Variants in GLI2 observed in about 807,000 individuals in gnomAD.
GLI2 encodes GLI family zinc finger 2.
Under a neutral mutation model 78.9 loss-of-function variants are expected in GLI2, and 22 were observed. The ratio of observed to expected loss-of-function variants is 0.28; its 90% CI spans 0.20 to 0.40. GLI2 has a LOEUF of 0.40. Among genes scored for constraint, GLI2 ranks in the 10% least tolerant of loss-of-function variants. GLI2 has a pLI of 1.00. For synonymous variants in GLI2, 974 were observed against 963.7 expected (o/e 1.01, Z -0.20); for missense variants, 2,097 against 2,213.2 (o/e 0.95, Z 1.05).
intron 2 of GLI2, among the ~76,000 whole-genome samples, chr2:120,846,204 G>T (rs1687108283): frequency 6.6e-6 from 1 of 152,210 alleles, no homozygotes; most frequent in Non-Finnish European, 1.5e-5. Context: ...CCCAATTGGG[G>T]TCATTTTCCT....
chr2:120,914,596 C>T (rs182347940), intron 2 of GLI2, among the ~76,000 whole-genome samples: 1 of 152,230 alleles, frequency 6.6e-6, no homozygotes, highest in African/African-American at 2.4e-5. Context: ...GACAGGCAGC[C>T]CCTCCCATTC....
intron 1 of GLI2, among the ~76,000 whole-genome samples, chr2:120,776,871 G>T (rs1330705322): frequency 6.6e-6 from 1 of 152,188 alleles, no homozygotes; most frequent in Non-Finnish European, 1.5e-5. Flanking sequence ...TGAGTGCAGC[G>T]TGTAGAGGGC....
At position 120,737,856 on chromosome 2, in the gene GLI2, A is replaced by G. The variant is rs550968600; in HGVS notation, c.-31+1571A>G. Among the ~76,000 whole-genome samples the G allele has an allele frequency of 2.0e-5, 3 of 152,366 alleles. No individual in the cohort carries two copies. The highest frequency in any genetic ancestry group is 7.2e-5 in the African/African-American group (3 of 41,598). ...TCGGTGCCAAAAAGTAAAGTAAATA[A>G]ACTGTGAAATCCAAAATATACAGCG... is the stretch of plus-strand genomic sequence containing the variant. On this transcript the variant is annotated intron_variant, in intron 1 of 13. Coordinates refer to ENST00000361492, the MANE Select transcript of GLI2 (RefSeq NM_001374353.1). The surrounding 1 kb of genome is among the most constrained non-coding windows in gnomAD (Gnocchi z 4.3).
At chr2:120,850,902 T>G (rs562406253) in intron 2 of GLI2, among the ~76,000 whole-genome samples, 28 of 152,292 alleles carry the variant, frequency 1.8e-4, no homozygotes, top group African/African-American at 6.0e-4. Flanking sequence ...AATCAAAACG[T>G]GGTATTTTAA....
chr2:120,896,225 C>T, intron 2 of GLI2, among the ~76,000 whole-genome samples: 1 of 152,126 alleles, frequency 6.6e-6, no homozygotes, highest in East Asian at 1.9e-4. Flanking sequence ...TTTCCCCCAC[C>T]CTCTCTCCGC....
At chr2:120,752,432 GCTAA>G (rs761788124) in intron 1 of GLI2, among the ~76,000 whole-genome samples, 3 of 151,958 alleles carry the variant, frequency 2.0e-5, no homozygotes, top group Non-Finnish European at 4.4e-5. Context: ...ACGATGCTCG[GCTAA>G]CTTTTTGTAT....
At chr2:120,954,916 A>G (rs1681168506) in intron 4 of GLI2, among the ~76,000 whole-genome samples, 1 of 152,112 alleles carries the variant, frequency 6.6e-6, no homozygotes, top group Non-Finnish European at 1.5e-5. Context: ...CTGCTGGACT[A>G]TGGATCCTGT....
chr2:120,848,134 C>A (rs956496121), intron 2 of GLI2, among the ~76,000 whole-genome samples: 29 of 152,174 alleles, frequency 1.9e-4, no homozygotes, highest in African/African-American at 6.3e-4. Flanking sequence ...CCGCGCAGCG[C>A]GCACCTGAGC....
intron 3 of GLI2, among the ~76,000 whole-genome samples, chr2:120,950,569 A>C (rs1426329369): frequency 6.6e-6 from 1 of 152,170 alleles, no homozygotes; most frequent in African/African-American, 2.4e-5. Flanking sequence ...TGCACACCTG[A>C]CTATTGGGGC....
At chr2:120,833,652 A>T (rs979480236) in intron 2 of GLI2, among the ~76,000 whole-genome samples, 20 of 152,124 alleles carry the variant, frequency 1.3e-4, no homozygotes, top group Non-Finnish European at 2.9e-4. Flanking sequence ...GTGTTCAGAC[A>T]TCACAACAGC....
At chr2:120,796,970 C>T (rs1684425555) in intron 1 of GLI2, among the ~76,000 whole-genome samples, 1 of 152,170 alleles carries the variant, frequency 6.6e-6, no homozygotes, top group Admixed American at 6.5e-5. Context: ...GATTCACAGA[C>T]AGAGGTCATT....
rs543155526 is a variant in GLI2 at position 120,989,591 on chromosome 2, G to A, written c.3626G>A (p.Arg1209Gln). The change falls in exon 14 of 14, where the codon CGA (arginine) becomes CAA (glutamine). Residue 1209 changes from arginine (R) to glutamine (Q), a missense_variant. Around this residue, in one of 5 missense-constraint regions of GLI2, gnomAD observed 1,290 missense variants for 1,261.7 expected, o/e 1.02. Transcript: ENST00000361492. ...IPRVNYMQQLRQPVAGSQCPG... is the reference protein window; with the variant it reads ...IPRVNYMQQLQQPVAGSQCPG... ...AGGGTAAACTACATGCAGCAGCTGC[G>A]ACAGCCAGTGGCAGGCAGCCAGTGT... 2.5e-5 allele frequency: 40 copies of A among 1,613,206 alleles called. No individual in the cohort carries two copies. The East Asian group carries it at 4.7e-4, about 19-fold the overall frequency.
intron 6 of GLI2, among the ~76,000 whole-genome samples, chr2:120,969,268 G>T (rs950567258): frequency 5.3e-5 from 8 of 152,216 alleles, no homozygotes; most frequent in African/African-American, 1.9e-4. Context: ...CATTGACATG[G>T]CCCATGCTCT....
chr2:120,988,675 G>A lies in GLI2; in HGVS notation c.2710G>A (p.Asp904Asn). Residue 904 changes from aspartate to asparagine, a missense_variant, in exon 14 of 14, where the codon GAC becomes AAC. Asp to Asn is a conservative substitution (Grantham distance 23). This residue lies in a region of GLI2 where 1,290 missense variants were observed against 1,261.7 expected (regional missense o/e 1.02). Coordinates refer to ENST00000361492, the MANE Select transcript of GLI2 (RefSeq NM_001374353.1). ...CCTGCGGACCAGGCTGGCGCTGCTG[G>A]ACGCGCCCGAGCGCACGCTGCCCGC... ...MSLRTRLALLDAPERTLPAGC... is the reference protein window; with the variant it reads ...MSLRTRLALLNAPERTLPAGC... 1 of 1,354,768 alleles carries A rather than the reference G, an allele frequency of 7.4e-7. No individual in the cohort carries two copies. The highest frequency in any genetic ancestry group is 9.5e-7 in the Non-Finnish European group (1 of 1,052,120). 83.9% of individuals were successfully genotyped at this position (1,354,768 alleles called of 1,614,324 possible). A position where few individuals can be genotyped will look rare whatever the true frequency, so the allele number is the denominator to read the frequency against.
rs140954953 is a variant in GLI2 at position 120,989,846 on chromosome 2, G to A, written c.3881G>A (p.Gly1294Glu). The change falls in exon 14 of 14, where the codon GGA (glycine) becomes GAA (glutamate). Residue 1294 changes from glycine (G) to glutamate (E), a missense_variant. Gly to Glu is a moderately conservative substitution (Grantham distance 98, BLOSUM62 -2). Transcript: ENST00000361492. ...GGGGTCCCCGATTCAGCCCTGGCTG[G>A]AGTGCCACCACCTCACCCAGTCCAG... Reference protein sequence around the residue: ...ELGVPDSALAGVPPPHPVQSY... With the variant: ...ELGVPDSALAEVPPPHPVQSY... The A allele has an allele frequency of 1.2e-6, 2 of 1,612,754 alleles. No homozygotes were observed. The highest frequency in any genetic ancestry group is 8.5e-7 in the Non-Finnish European group (1 of 1,179,706).
At chr2:120,855,385 C>T (rs1687598078) in intron 2 of GLI2, among the ~76,000 whole-genome samples, 1 of 152,214 alleles carries the variant, frequency 6.6e-6, no homozygotes, top group Non-Finnish European at 1.5e-5. Flanking sequence ...CAGATGTACT[C>T]TGCTTTTTAC....
chr2:120,752,391 C>A (rs1418238651), intron 1 of GLI2, among the ~76,000 whole-genome samples: 1 of 151,868 alleles, frequency 6.6e-6, no homozygotes, highest in Admixed American at 6.6e-5. Context: ...CTGCCTCAAC[C>A]TCCCGAGTAG....
chr2:120,961,248 A>G (rs772540351), intron 5 of GLI2, among the ~76,000 whole-genome samples: 2 of 152,154 alleles, frequency 1.3e-5, no homozygotes, highest in Non-Finnish European at 2.9e-5. Flanking sequence ...CCTGTTCTTT[A>G]TGCTGCCTGT....
intron 2 of GLI2, among the ~76,000 whole-genome samples, chr2:120,908,820 T>G (rs1401636770): frequency 6.6e-6 from 1 of 152,178 alleles, no homozygotes; most frequent in African/African-American, 2.4e-5. Context: ...GAATCTTATT[T>G]TGCCCAGAAA....
Sources: gnomAD v4.1 joint callset for allele counts (sites outside exome capture counted in the v4.1 genomes callset) on GRCh38, gnomAD v4.1.1 for gene constraint, gnomAD v4.1.1 regional missense constraint, Gnocchi (gnomAD v3.1) non-coding constraint, MANE v1.5 for transcripts, NCBI Gene and HGNC (gene_info 2026-07-23, HGNC 2026-07-21) for gene names.